The following TMEM178B variants were observed in gnomAD, a reference collection of about 807,000 sequenced individuals.
TMEM178B encodes the protein transmembrane protein 178B.
In TMEM178B, 5 loss-of-function variants were observed where a neutral mutation model predicts 31.0. The ratio of observed to expected loss-of-function variants is 0.16; its 90% CI spans 0.08 to 0.34. TMEM178B has a LOEUF of 0.34. Among genes scored for constraint, TMEM178B ranks in the 10% least tolerant of loss-of-function variants. TMEM178B has a pLI of 1.00. For missense variants in TMEM178B, 275 were observed against 400.3 expected (o/e 0.69, Z 2.67); for synonymous variants, 164 against 164.0 (o/e 1.00, Z 0.00).
At position 141,414,075 on chromosome 7, in the gene TMEM178B, A is replaced by ATT. The variant is rs1179943997; in HGVS notation, c.497-23507_497-23506dup. 6.7e-4 allele frequency among the ~76,000 whole-genome samples: 39 copies of ATT among 58,336 alleles called. 6 individuals carry two copies. Among genetic ancestry groups the ATT allele is most frequent in the African/African-American group, 1.8e-3 (17 of 9,362 alleles). 38.3% of individuals were successfully genotyped at this position (58,336 alleles called of 152,430 possible). A position where few individuals can be genotyped will look rare whatever the true frequency, so the allele number is the denominator to read the frequency against. On this transcript the variant is annotated intron_variant, in intron 2 of 3. Coordinates refer to ENST00000565468, the MANE Select transcript of TMEM178B (RefSeq NM_001195278.2). ...ATTACTTAATTTCTCCAAAAACATCATTTTTTTTTTTTTTTTTTTTTTTTT... is the reference window on the plus strand; with the variant it reads ...ATTACTTAATTTCTCCAAAAACATCATTTTTTTTTTTTTTTTTTTTTTTTTTT...
At chr7:141,296,240 G>C (rs1284323952) in intron 2 of TMEM178B, among the ~76,000 whole-genome samples, 1 of 152,038 alleles carries the variant, frequency 6.6e-6, no homozygotes, top group South Asian at 2.1e-4. Context: ...TCTAATTTTT[G>C]TATTTTTAGC....
intron 2 of TMEM178B, among the ~76,000 whole-genome samples, chr7:141,429,439 A>G (rs959478932): frequency 1.3e-5 from 2 of 152,248 alleles, no homozygotes; most frequent in South Asian, 2.1e-4. Context: ...AGTCAGGCAC[A>G]GAAACACAAG....
chr7:141,264,356 A>C (rs1212831146), intron 2 of TMEM178B, among the ~76,000 whole-genome samples: 1 of 152,200 alleles, frequency 6.6e-6, no homozygotes, highest in East Asian at 1.9e-4. Context: ...TTTACTACAC[A>C]GTCTATCTTT....
At chr7:141,167,830 A>G (rs1196557331) in intron 1 of TMEM178B, among the ~76,000 whole-genome samples, 1 of 152,212 alleles carries the variant, frequency 6.6e-6, no homozygotes, top group East Asian at 1.9e-4. Flanking sequence ...CAATCTGAGA[A>G]GCCTACCCGT....
chr7:141,099,392 T>C (rs1408361398), intron 1 of TMEM178B, among the ~76,000 whole-genome samples: 1 of 152,236 alleles, frequency 6.6e-6, no homozygotes, highest in Non-Finnish European at 1.5e-5. Context: ...TTAAACATTA[T>C]TATAAATAGC....
chr7:141,301,512 G>A (rs948104049), intron 2 of TMEM178B, among the ~76,000 whole-genome samples: 2 of 152,138 alleles, frequency 1.3e-5, no homozygotes, highest in Non-Finnish European at 2.9e-5. Context: ...CCAGCAACAT[G>A]TTCTCTTTTT....
At chr7:141,431,463 A>G (rs780735382) in intron 2 of TMEM178B, among the ~76,000 whole-genome samples, 14 of 151,744 alleles carry the variant, frequency 9.2e-5, no homozygotes, top group Admixed American at 3.9e-4. Flanking sequence ...CTCATTATCA[A>G]CCTCCCTCTG....
chr7:141,345,477 TGCCAA>T (rs1293017089), intron 2 of TMEM178B, among the ~76,000 whole-genome samples: 22 of 152,212 alleles, frequency 1.4e-4, no homozygotes, highest in African/African-American at 5.1e-4. Context: ...TCTCTTTCTT[TGCCAA>T]GCTACAGTAA....
intron 1 of TMEM178B, among the ~76,000 whole-genome samples, chr7:141,118,251 C>T (rs1795351758): frequency 6.6e-6 from 1 of 152,146 alleles, no homozygotes; most frequent in Non-Finnish European, 1.5e-5. Context: ...AAACTGGATT[C>T]CTTTTGGAAG....
chr7:141,447,446 T>C (rs1801780370), intron 3 of TMEM178B, among the ~76,000 whole-genome samples: 1 of 151,840 alleles, frequency 6.6e-6, no homozygotes, highest in African/African-American at 2.4e-5. Flanking sequence ...ATGACCGTGA[T>C]GGGAGCAGAA....
chr7:141,245,170 CAAAAAAAAAAAAAAAAAAAAAAAAA>C (rs59281560), intron 2 of TMEM178B, among the ~76,000 whole-genome samples: 7 of 23,092 alleles, frequency 3.0e-4, no homozygotes, highest in South Asian at 2.9e-3. Context: ...ACTCCATCAC[CAAAAAAAAAAAAAAAAAAAAAAAAA>C]AAAAAAAAAA....
At chr7:141,342,180 T>G (rs1002353202) in intron 2 of TMEM178B, among the ~76,000 whole-genome samples, 42 of 152,218 alleles carry the variant, frequency 2.8e-4, no homozygotes, top group Non-Finnish European at 5.0e-4. Flanking sequence ...ACTACTGACC[T>G]CAGGTGGTCT....
intron 2 of TMEM178B, among the ~76,000 whole-genome samples, chr7:141,276,201 CGGGTGTGCCT>C (rs1279752775): frequency 6.6e-6 from 1 of 152,048 alleles, no homozygotes; most frequent in African/African-American, 2.4e-5. Flanking sequence ...CATAGAGAGC[CGGGTGTGCCT>C]GGGTGACAGC....
chr7:141,344,135 G>A lies in TMEM178B; in HGVS notation c.497-93473G>A, dbSNP rs1330652599. ...ATTAGGTTGGTGCAAAAGTAATTGT[G>A]GTTTTTGCCATTACTTTTAAGGGTG... On this transcript the variant is annotated intron_variant, in intron 2 of 3. Coordinates refer to ENST00000565468, the MANE Select transcript of TMEM178B (RefSeq NM_001195278.2). The surrounding 1 kb of genome is among the most constrained non-coding windows in gnomAD (Gnocchi z 4.1). 1.3e-5 allele frequency among the ~76,000 whole-genome samples: 2 copies of A among 152,156 alleles called. No homozygotes were observed. The highest frequency in any genetic ancestry group is 1.3e-4 in the Admixed American group (2 of 15,268).
chr7:141,415,507 A>G (rs1001502294), intron 2 of TMEM178B: 1 of 152,726 alleles, frequency 6.5e-6, no homozygotes, highest in African/African-American at 2.4e-5. Flanking sequence ...GGCTCACTTG[A>G]CTATGCCGAG....
At chr7:141,365,979 C>T (rs1181884063) in intron 2 of TMEM178B, among the ~76,000 whole-genome samples, 1 of 152,218 alleles carries the variant, frequency 6.6e-6, no homozygotes, top group African/African-American at 2.4e-5. Flanking sequence ...ATGTCACTTC[C>T]ATCTTTTGTC....
chr7:141,109,267 C>T (rs1451019188), intron 1 of TMEM178B, among the ~76,000 whole-genome samples: 1 of 151,414 alleles, frequency 6.6e-6, no homozygotes, highest in East Asian at 1.9e-4. Flanking sequence ...ATATGTGGAC[C>T]AAAAGGACAG....
At chr7:141,364,784 G>C (rs1799975653) in intron 2 of TMEM178B, among the ~76,000 whole-genome samples, 1 of 151,796 alleles carries the variant, frequency 6.6e-6, no homozygotes, top group Non-Finnish European at 1.5e-5. Context: ...AGCCCTGTAA[G>C]AGTAATGTAA....
rs144331537 is a variant in TMEM178B, at chr7:141,215,181, A to C, written c.496+2477A>C. ...CCCCCTTTAAAATAAAGTAGAAATG[A>C]TTAAATATTAGCCAACTCCTGATCA... is the stretch of plus-strand genomic sequence containing the variant. On this transcript the variant is annotated intron_variant, in intron 2 of 3. Transcript: ENST00000565468. Among the ~76,000 whole-genome samples, 7 of 152,264 alleles carry C rather than the reference A, an allele frequency of 4.6e-5. No individual in the cohort carries two copies. In the East Asian group the frequency reaches 1.4e-3, roughly 29 times the overall value.
Sources: gnomAD v4.1 joint callset for allele counts (sites outside exome capture counted in the v4.1 genomes callset) on GRCh38, gnomAD v4.1.1 for gene constraint, Gnocchi (gnomAD v3.1) non-coding constraint, MANE v1.5 for transcripts, NCBI Gene and HGNC (gene_info 2026-07-23, HGNC 2026-07-21) for gene names.